The following GPBP1L1 variants were observed in gnomAD, a reference collection of about 807,000 sequenced individuals.
GPBP1L1 encodes GC-rich promoter binding protein 1 like 1, also known as vasculin-like protein 1.
GPBP1L1 carries 23 observed loss-of-function variants against 52.5 expected under a neutral mutation model. The observed-to-expected ratio is 0.44, with a 90% CI of 0.32 to 0.62. GPBP1L1 has a LOEUF of 0.62. Among genes scored for constraint, GPBP1L1 ranks in the 20% least tolerant of loss-of-function variants. The pLI is 0.06. For missense variants in GPBP1L1, 596 were observed against 579.3 expected, an observed-to-expected ratio of 1.03 and a Z score of -0.30; for synonymous variants, 243 against 203.1, an observed-to-expected ratio of 1.20 and a Z score of -1.67.
chr1:45,673,590 G>A (rs1405362945), intron 2 of GPBP1L1, among the ~76,000 whole-genome samples: 6 of 152,160 alleles, frequency 3.9e-5, no homozygotes, highest in East Asian at 1.9e-4. Context: ...GGCTGGGCGC[G>A]GTGGCTCACG....
chr1:45,658,380 A>G (rs1273529512), intron 4 of GPBP1L1, among the ~76,000 whole-genome samples: 1 of 152,206 alleles, frequency 6.6e-6, no homozygotes, highest in Non-Finnish European at 1.5e-5. Flanking sequence ...GTTAGCAAGT[A>G]CGTTTAATCT....
chr1:45,632,999 A>G (rs575360938), intron 10 of GPBP1L1, among the ~76,000 whole-genome samples: 1 of 152,362 alleles, frequency 6.6e-6, no homozygotes, highest in East Asian at 1.9e-4. Flanking sequence ...AATCCAGAAC[A>G]CTGATAATAT....
chr1:45,656,374 G>A (rs754764642), intron 4 of GPBP1L1, among the ~76,000 whole-genome samples: 66 of 152,202 alleles, frequency 4.3e-4, no homozygotes, highest in Non-Finnish European at 8.4e-4. Flanking sequence ...ACCGTAAATC[G>A]GGGCATGTTT....
chr1:45,656,287 T>G (rs1644883473), intron 4 of GPBP1L1: 1 of 152,144 alleles, frequency 6.6e-6, no homozygotes, highest in African/African-American at 2.4e-5. Flanking sequence ...TCAAAGAATT[T>G]TATTCTATGA....
In GPBP1L1 at chr1:45,685,066, TA is replaced by T. The variant is rs568573498; in HGVS notation, c.-1098+509del. Among the ~76,000 whole-genome samples the T allele has an allele frequency of 7.0e-3, 1,008 of 144,592 alleles. 5 individuals carry two copies. The highest frequency in any genetic ancestry group is 0.027 in the South Asian group (123 of 4,606). 94.9% of individuals were successfully genotyped at this position (144,592 alleles called of 152,430 possible). On this transcript the variant is annotated intron_variant, in intron 2 of 12. Coordinates refer to ENST00000355105, the MANE Select transcript of GPBP1L1 (RefSeq NM_021639.5). ...TGTTTAAACTTCTGGATCTATCGAT[TA>T]AAAAAAAAAAGCAAACAAAAGACAG...
intron 6 of GPBP1L1, chr1:45,654,138 T>C (rs893615826): frequency 6.2e-6 from 1 of 160,092 alleles, no homozygotes; most frequent in Admixed American, 6.2e-5. Flanking sequence ...AGGCAACAGC[T>C]GAAATACTCC....
chr1:45,659,384 G>A (rs1004664164), intron 3 of GPBP1L1, among the ~76,000 whole-genome samples: 3 of 152,170 alleles, frequency 2.0e-5, no homozygotes, highest in African/African-American at 7.2e-5. Context: ...TTTTTGGAGA[G>A]GAAGGGTCTT....
At chr1:45,675,548 C>T (rs1028614064) in intron 2 of GPBP1L1, among the ~76,000 whole-genome samples, 4 of 151,940 alleles carry the variant, frequency 2.6e-5, no homozygotes, top group Non-Finnish European at 5.9e-5. Flanking sequence ...TTCATCTTAA[C>T]TGTTCTTTTT....
At chr1:45,668,414 G>T (rs1645035671) in intron 2 of GPBP1L1, among the ~76,000 whole-genome samples, 1 of 152,190 alleles carries the variant, frequency 6.6e-6, no homozygotes, top group Non-Finnish European at 1.5e-5. Context: ...AGCACTCTGG[G>T]AGGCTGAGGC....
intron 2 of GPBP1L1, among the ~76,000 whole-genome samples, chr1:45,684,684 C>CA (rs1645257606): frequency 6.6e-6 from 1 of 151,928 alleles, no homozygotes. Context: ...AGTACCCCCC[C>CA]AAAAAATCAA....
At chr1:45,632,717 A>T (rs1217226773) in intron 10 of GPBP1L1, among the ~76,000 whole-genome samples, 1 of 152,236 alleles carries the variant, frequency 6.6e-6, no homozygotes, top group Non-Finnish European at 1.5e-5. Flanking sequence ...ACTCTGTCTC[A>T]AAATAAATAA....
At chr1:45,646,847 G>A (rs937415047) in intron 6 of GPBP1L1, among the ~76,000 whole-genome samples, 33 of 151,926 alleles carry the variant, frequency 2.2e-4, no homozygotes, top group Non-Finnish European at 4.4e-4. Context: ...GTGAGCCACC[G>A]TACCCGGCCA....
chr1:45,635,945 CCA>C (rs2148427891), intron 8 of GPBP1L1, among the ~76,000 whole-genome samples: 1 of 152,212 alleles, frequency 6.6e-6, no homozygotes, highest in South Asian at 2.1e-4. Context: ...GAGAAAAAGG[CCA>C]GACTTCTTAT....
chr1:45,667,787 G>A (rs908191749), intron 2 of GPBP1L1, among the ~76,000 whole-genome samples: 9 of 152,046 alleles, frequency 5.9e-5, no homozygotes, highest in Admixed American at 2.0e-4. Context: ...TCTCATTGTC[G>A]CCCAGGCTGG....
Position 45,673,885 on chromosome 1 carries a change from T to C in GPBP1L1, c.-1098+11691A>G, listed in dbSNP as rs527941405. Among the ~76,000 whole-genome samples, 4 of 152,192 alleles carry C rather than the reference T, an allele frequency of 2.6e-5. No homozygotes were observed. The East Asian group carries it at 7.7e-4, about 29-fold the overall frequency. On this transcript the variant is annotated intron_variant, in intron 2 of 12. Transcript: ENST00000355105. ...AACAAACAAACAAAAAAAATTGTTT[T>C]CTACAACAAAGAACCCTAATCAATA...
At chr1:45,673,615 A>G (rs746135709) in intron 2 of GPBP1L1, among the ~76,000 whole-genome samples, 4 of 152,206 alleles carry the variant, frequency 2.6e-5, no homozygotes, top group Non-Finnish European at 5.9e-5. Flanking sequence ...TAATCCCAGC[A>G]CTTTGGGAGG....
At chr1:45,638,963 A>G (rs1427337003) in intron 8 of GPBP1L1, among the ~76,000 whole-genome samples, 1 of 152,164 alleles carries the variant, frequency 6.6e-6, no homozygotes, top group African/African-American at 2.4e-5. Context: ...TAGGACTAGC[A>G]CACTATGACC....
chr1:45,682,088 C>T (rs980401314), intron 2 of GPBP1L1, among the ~76,000 whole-genome samples: 2 of 152,122 alleles, frequency 1.3e-5, no homozygotes, highest in African/African-American at 4.8e-5. Flanking sequence ...TAAATGGTTC[C>T]TATTGCCCTT....
chr1:45,675,988 G>A (rs1418232734), intron 2 of GPBP1L1, among the ~76,000 whole-genome samples: 2 of 151,984 alleles, frequency 1.3e-5, no homozygotes, highest in Admixed American at 6.6e-5. Context: ...CAGGTTTAAG[G>A]GACTTCCTTC....
Sources: allele counts gnomAD v4.1 joint callset (sites outside exome capture counted in the v4.1 genomes callset), GRCh38; gene constraint gnomAD v4.1.1; transcripts MANE v1.5; gene names NCBI Gene and HGNC (gene_info 2026-07-23, HGNC 2026-07-21).